Variants in LIG3 observed in about 807,000 individuals in gnomAD.
LIG3 encodes the protein ligase II, DNA, ATP-dependent.
A neutral mutation model predicts 110.9 loss-of-function variants in LIG3; 58 were observed. The ratio of observed to expected loss-of-function variants is 0.52; its 90% CI spans 0.42 to 0.65. The LOEUF (loss-of-function observed/expected upper bound fraction) is 0.65, where lower values mean the gene tolerates loss of function less well. LIG3 is among the 30% of genes least tolerant of loss of function. The pLI is 0.00. For missense variants in LIG3, 1,094 were observed against 1,273.8 expected (o/e 0.86, Z 2.15); for synonymous variants, 422 against 472.8 (o/e 0.89, Z 1.39).
At position 35,002,118 on chromosome 17, in the gene LIG3, G is replaced by A. The variant is rs569669620; in HGVS notation, c.2674+14G>A. On this transcript the variant is annotated intron_variant, in intron 18 of 19. Coordinates refer to ENST00000378526, the MANE Select transcript of LIG3 (RefSeq NM_013975.4). ...ACAGCAAAGATGGTAAGGATAGGGAGGGGGCTGGTATGGTGAAGAGGGCGG... is the reference window on the plus strand; with the variant it reads ...ACAGCAAAGATGGTAAGGATAGGGAAGGGGCTGGTATGGTGAAGAGGGCGG... 6.4e-7 allele frequency: 1 copy of A among 1,554,760 alleles called. No individual in the cohort carries two copies. Among genetic ancestry groups the A allele is most frequent in the Admixed American group, 2.0e-5 (1 of 49,910 alleles).
chr17:34,981,573 C>G (rs565325299), intron 1 of LIG3: 1 of 152,160 alleles, frequency 6.6e-6, no homozygotes, highest in Non-Finnish European at 1.5e-5. Flanking sequence ...TATTATTTAC[C>G]CTGCTTTAGA....
chr17:35,004,782 T>C lies in LIG3; in HGVS notation c.*276T>C, dbSNP rs2090882040. On this transcript the variant is annotated 3_prime_UTR_variant, in exon 20 of 20. Transcript: ENST00000378526. ...TGAAAAGCAGCTTAGTTACCCTTTT[T>C]ATAAATAAAATATCTTGCAGTTATC... is the stretch of plus-strand genomic sequence containing the variant. 2.4e-6 allele frequency: 1 copy of C among 424,136 alleles called. No homozygotes were observed. Among genetic ancestry groups the C allele is most frequent in the Non-Finnish European group, 4.2e-6 (1 of 235,846 alleles). 26.3% of individuals were successfully genotyped at this position (424,136 alleles called of 1,614,324 possible). A position where few individuals can be genotyped will look rare whatever the true frequency, so the allele number is the denominator to read the frequency against.
chr17:34,996,698 G>C (rs758461419), intron 11 of LIG3, 45 bp downstream of exon 11: 16 of 1,504,562 alleles, frequency 1.1e-5, no homozygotes, highest in Middle Eastern at 3.4e-4. Flanking sequence ...CCAGGAATCT[G>C]TTTTCATTTC....
chr17:35,008,788 C>G lies in LIG3; in HGVS notation c.*4282C>G, dbSNP rs557474336. 6.6e-6 allele frequency: 1 copy of G among 152,150 alleles called. No individual in the cohort carries two copies. Among genetic ancestry groups the G allele is most frequent in the African/African-American group, 2.4e-5 (1 of 41,434 alleles). The allele number at this position is 152,150 out of a possible 1,614,324, so 9.4% of individuals were successfully genotyped here. A position where few individuals can be genotyped will look rare whatever the true frequency, so the allele number is the denominator to read the frequency against. On this transcript the variant is annotated 3_prime_UTR_variant, in exon 20 of 20. Coordinates refer to ENST00000378526, the MANE Select transcript of LIG3 (RefSeq NM_013975.4). ...CTGGGACTACAGGCACCCGCCACCA[C>G]GCCTGGCTAATTTTTTGTATTTTTA... is the stretch of plus-strand genomic sequence containing the variant.
In LIG3 at chr17:34,993,391, G is replaced by A. The variant is rs1017652322; in HGVS notation, c.1455+699G>A. Among the ~76,000 whole-genome samples the A allele has an allele frequency of 4.6e-5, 7 of 152,342 alleles. No homozygotes were observed. In the South Asian group the frequency reaches 1.5e-3, roughly 32 times the overall value. Reference sequence around the variant, plus strand: ...GGTTTTATGTTTGAGATAGGCAAGTGTTCTCTCCCTGCTAGGAATGTGGGA... The same window carrying A: ...GGTTTTATGTTTGAGATAGGCAAGTATTCTCTCCCTGCTAGGAATGTGGGA... On this transcript the variant is annotated intron_variant, in intron 8 of 19. Transcript: ENST00000378526.
In LIG3 at chr17:34,992,561, A is replaced by G. The variant is rs1215184066; in HGVS notation, c.1324A>G (p.Lys442Glu). 3.1e-6 allele frequency: 5 copies of G among 1,612,370 alleles called. No homozygotes were observed. Among genetic ancestry groups the G allele is most frequent in the Non-Finnish European group, 4.2e-6 (5 of 1,179,176 alleles). Residue 442 changes from lysine to glutamate, a missense_variant, in exon 8 of 20, where the codon AAA becomes GAA. Coordinates refer to ENST00000378526, the MANE Select transcript of LIG3 (RefSeq NM_013975.4). ...ALDPNAYEAF[K>E]ASRNLQDVVE... ...TGACCCCAATGCCTATGAAGCCTTC[A>G]AAGCCTCGCGCAACCTGCAGGATGT... is the stretch of plus-strand genomic sequence containing the variant.
At position 35,006,480 on chromosome 17, in the gene LIG3, G is replaced by T. The variant is rs1046218521; in HGVS notation, c.*1974G>T. The T allele has an allele frequency of 6.6e-6, 1 of 152,288 alleles. No individual in the cohort carries two copies. The highest frequency in any genetic ancestry group is 2.4e-5 in the African/African-American group (1 of 41,448). The allele number at this position is 152,288 out of a possible 1,614,324, so 9.4% of individuals were successfully genotyped here. A position where few individuals can be genotyped will look rare whatever the true frequency, so the allele number is the denominator to read the frequency against. ...ATGGGTGCACCTAAATCATAGGGTT[G>T]TCCTGTTGTCCTGAGCAACATTATG... is the stretch of plus-strand genomic sequence containing the variant. On this transcript the variant is annotated 3_prime_UTR_variant, in exon 20 of 20. Transcript: ENST00000378526.
chr17:35,002,015 G>C lies in LIG3; in HGVS notation c.2585G>C (p.Gly862Ala). 3 of 1,612,364 alleles carry C rather than the reference G, an allele frequency of 1.9e-6. No individual in the cohort carries two copies. The highest frequency in any genetic ancestry group is 2.5e-6 in the Non-Finnish European group (3 of 1,179,248). ...AGTGAAGAGAATAAGGGTCCCTCAG[G>C]GTCTGCTGTGTCCCGCAAGGCCCCC... is the stretch of plus-strand genomic sequence containing the variant. ...GSSEENKGPS[G>A]SAVSRKAPSK... The change falls in exon 18 of 20, where the codon GGG becomes GCG. Residue 862 changes from glycine to alanine, a missense_variant. Coordinates refer to ENST00000378526, the MANE Select transcript of LIG3 (RefSeq NM_013975.4).
At position 35,009,488 on chromosome 17, in the gene LIG3, A is replaced by G. The variant is rs2090921069; in HGVS notation, c.*4982A>G. ...CCATGAGGGGCAGAAGGGAGGATTC[A>G]AAGATTTAAAAAAAATCAAATTTTA... On this transcript the variant is annotated 3_prime_UTR_variant, in exon 20 of 20. Coordinates refer to ENST00000378526, the MANE Select transcript of LIG3 (RefSeq NM_013975.4). The G allele has an allele frequency of 6.6e-6, 1 of 152,156 alleles. No homozygotes were observed. The highest frequency in any genetic ancestry group is 2.4e-5 in the African/African-American group (1 of 41,434). 9.4% of individuals were successfully genotyped at this position (152,156 alleles called of 1,614,324 possible).
chr17:34,994,220 C>T (rs572306109), intron 8 of LIG3, 56 bp from the exon 9 acceptor site: 70 of 1,557,986 alleles, frequency 4.5e-5, no homozygotes, highest in African/African-American at 4.2e-4. Context: ...CTCTGGCTGT[C>T]GCTGCTTAGC....
rs2090885830 is a variant in LIG3 at position 35,005,205 on chromosome 17, G to A, written c.*699G>A. The A allele has an allele frequency of 2.3e-6, 1 of 435,484 alleles. No homozygotes were observed. Among genetic ancestry groups the A allele is most frequent in the Non-Finnish European group, 4.6e-6 (1 of 216,172 alleles). The allele number at this position is 435,484 out of a possible 1,614,324, so 27.0% of individuals were successfully genotyped here. A position where few individuals can be genotyped will look rare whatever the true frequency, so the allele number is the denominator to read the frequency against. On this transcript the variant is annotated 3_prime_UTR_variant, in exon 20 of 20. Coordinates refer to ENST00000378526, the MANE Select transcript of LIG3 (RefSeq NM_013975.4). ...CTGGAGGGATAGAGGGCTCCAGGAA[G>A]ATCTGCATCCCCAAAACCTGGAAAC...
chr17:35,000,100 A>G (rs2090824002), intron 16 of LIG3, among the ~76,000 whole-genome samples: 1 of 152,180 alleles, frequency 6.6e-6, no homozygotes, highest in Non-Finnish European at 1.5e-5. Context: ...CCTCAGCACA[A>G]AGGGTGTGTT....
rs200503859 is a variant in LIG3 at position 34,996,151 on chromosome 17, A to C, written c.1699A>C (p.Lys567Gln). 1.2e-5 allele frequency: 20 copies of C among 1,614,068 alleles called. No individual in the cohort carries two copies. Among genetic ancestry groups the C allele is most frequent in the Non-Finnish European group, 1.4e-5 (17 of 1,180,044 alleles). Residue 567 changes from lysine to glutamine, a missense_variant, in exon 10 of 20, where the codon AAG becomes CAG. By Grantham distance (53) the Lys-to-Gln change is moderately conservative. Coordinates refer to ENST00000378526, the MANE Select transcript of LIG3 (RefSeq NM_013975.4). ...TTCTGAAGTGCTTCTGATTGACAAC[A>C]AGACAGGCAAACCACTGCCCTTTGG... ...LDSEVLLIDNKTGKPLPFGTL... is the reference protein window; with the variant it reads ...LDSEVLLIDNQTGKPLPFGTL...
In LIG3 at chr17:34,992,524, G is replaced by T. The variant is rs1364306679; in HGVS notation, c.1287G>T (p.Val429=). ...DLKMNSGAKH[V]LDALDPNAYE... ...TCCTTGTTCCTGTACCCCTTGGCAG[G>T]TTAGACGCCCTTGACCCCAATGCCT... The change falls in exon 8 of 20, where the codon GTG becomes GTT. Residue 429 remains valine, a splice_region_variant and synonymous_variant. Transcript: ENST00000378526. 6.3e-6 allele frequency: 10 copies of T among 1,585,244 alleles called. No individual in the cohort carries two copies. The highest frequency in any genetic ancestry group is 1.2e-5 in the South Asian group (1 of 86,944).
At chr17:34,995,732 C>G (rs907685034) in intron 9 of LIG3, among the ~76,000 whole-genome samples, 4 of 152,208 alleles carry the variant, frequency 2.6e-5, no homozygotes, top group Non-Finnish European at 4.4e-5. Flanking sequence ...GCAGTAGGCA[C>G]TAATCTCTGC....
intron 8 of LIG3, 151 bp downstream of exon 8, chr17:34,992,843 C>G (rs1300977790): frequency 1.3e-6 from 1 of 747,600 alleles, no homozygotes; most frequent in East Asian, 3.1e-5. Context: ...GGGTATTTCT[C>G]TGTAGGAGGC....
rs996829549 is a variant in LIG3 at position 35,001,511 on chromosome 17, C to A, written c.2478+108C>A. The A allele has an allele frequency of 5.0e-6, 6 of 1,204,814 alleles. No individual in the cohort carries two copies. The African/African-American group carries it at 9.1e-5, about 18-fold the overall frequency. The allele number at this position is 1,204,814 out of a possible 1,614,324, so 74.6% of individuals were successfully genotyped here. On this transcript the variant is annotated intron_variant, in intron 17 of 19. Transcript: ENST00000378526. The stretch of plus-strand genomic sequence containing the variant: ...CCTCTGTCTTCTCCTTTCCCCCATT[C>A]TCCTGAGGCAGAGCAAGGAGGGCAA...
In LIG3 at chr17:35,004,336, C is replaced by T. The variant is rs766697852; in HGVS notation, c.2860C>T (p.Arg954Cys). The change falls in exon 20 of 20, where the codon CGT becomes TGT. Residue 954 changes from arginine to cysteine, a missense_variant. By Grantham distance (180) the Arg-to-Cys change is radical. Transcript: ENST00000378526. ...GCCACCCTCCACACCAGACTTCAGC[C>T]GTCTCAGACGCTACTTTGTGGCATT... ...YLPPSTPDFS[R>C]LRRYFVAFDG... 6.8e-6 allele frequency: 11 copies of T among 1,614,176 alleles called. No homozygotes were observed. The highest frequency in any genetic ancestry group is 2.2e-5 in the East Asian group (1 of 44,876).
intron 11 of LIG3, chr17:34,996,932 A>G (rs2090784358): frequency 9.9e-6 from 4 of 402,348 alleles, no homozygotes; most frequent in Non-Finnish European, 1.8e-5. Flanking sequence ...CAAACCCCCA[A>G]AGAAGTTTCT....
Sources: allele counts gnomAD v4.1 joint callset (sites outside exome capture counted in the v4.1 genomes callset), GRCh38; gene constraint gnomAD v4.1.1; transcripts MANE v1.5; gene names NCBI Gene and HGNC (gene_info 2026-07-23, HGNC 2026-07-21).